Variants in TEX11 observed in about 807,000 individuals in gnomAD.
The protein encoded by TEX11 is testis expressed 11.
Under a neutral mutation model 84.4 loss-of-function variants are expected in TEX11, and 7 were observed. That is an observed-to-expected ratio of 0.08 (90% confidence interval 0.05 to 0.16). The LOEUF (loss-of-function observed/expected upper bound fraction) is 0.16, where lower values mean the gene tolerates loss of function less well. Among genes scored for constraint, TEX11 ranks in the 10% least tolerant of loss-of-function variants. TEX11 has a pLI of 1.00. For synonymous variants in TEX11, 264 were observed against 222.8 expected (o/e 1.18, Z -1.64); for missense variants, 551 against 660.5 (o/e 0.83, Z 1.82).
chrX:70,567,842 G>T (rs902716764), intron 25 of TEX11, among the ~76,000 whole-genome samples: 1 of 111,506 alleles, frequency 9.0e-6, no homozygotes, highest in Non-Finnish European at 1.9e-5. Context: ...GTCAATTTTG[G>T]AATAGGTGTG....
intron 16 of TEX11, among the ~76,000 whole-genome samples, chrX:70,652,315 C>T (rs2089819957): frequency 9.0e-6 from 1 of 111,280 alleles, no homozygotes; most frequent in Non-Finnish European, 1.9e-5. Flanking sequence ...GAAATATTTC[C>T]ATAAATAATT....
downstream of TEX11, among the ~76,000 whole-genome samples, chrX:70,526,183 G>A (rs1295334280): frequency 8.9e-6 from 1 of 111,793 alleles, no homozygotes; most frequent in Non-Finnish European, 1.9e-5. Flanking sequence ...GAATATCGGA[G>A]GTTAATCAGC....
At position 70,762,789 on chromosome X, in the gene TEX11, C is replaced by A. The variant is rs749927891; in HGVS notation, c.693-18570G>T. Among the ~76,000 whole-genome samples, 171 of 111,441 alleles carry A rather than the reference C, an allele frequency of 1.5e-3. 2 individuals are homozygous for A. Among genetic ancestry groups the A allele is most frequent in the Middle Eastern group, 4.6e-3 (1 of 218 alleles). On this transcript the variant is annotated intron_variant, in intron 9 of 29. Transcript: ENST00000374333. ...ATGGCTCATGCCTGTAATCCCAGCA[C>A]TTTGGGAGGCTGAGGGGGCAGATCA...
intron 4 of TEX11, among the ~76,000 whole-genome samples, 160 bp from the exon 5 acceptor site, chrX:70,861,096 C>G (rs1367461753): frequency 2.2e-5 from 2 of 91,752 alleles, no homozygotes; most frequent in African/African-American, 8.2e-5. Context: ...GAGTCTCGCT[C>G]TGTCGCCCAG....
rs773092907 is a variant in TEX11, at chrX:70,659,268, A to G, written c.1381-7716T>C. 1.6e-3 allele frequency among the ~76,000 whole-genome samples: 175 copies of G among 112,174 alleles called. 1 individual carries two copies. The highest frequency in any genetic ancestry group is 5.5e-3 in the African/African-American group (169 of 30,973). On this transcript the variant is annotated intron_variant, in intron 16 of 29. Transcript: ENST00000374333. ...TTCAAAAGACACTAAGAAAAAGACA[A>G]CCCACAGAATGGGAAAACATATTTG...
chrX:70,824,924 T>C (rs1348656442), intron 8 of TEX11, among the ~76,000 whole-genome samples: 3 of 111,505 alleles, frequency 2.7e-5, no homozygotes, highest in African/African-American at 9.8e-5. Context: ...AGTTTAAAAT[T>C]TGCCTGAATC....
chrX:70,579,564 G>A (rs1242081403), intron 25 of TEX11, among the ~76,000 whole-genome samples: 1 of 108,099 alleles, frequency 9.3e-6, no homozygotes, highest in Non-Finnish European at 1.9e-5. Flanking sequence ...ACAATCCACA[G>A]AATGGGAAAA....
intron 25 of TEX11, among the ~76,000 whole-genome samples, chrX:70,556,099 T>A (rs1264863687): frequency 8.9e-6 from 1 of 112,050 alleles, no homozygotes; most frequent in Non-Finnish European, 1.9e-5. Flanking sequence ...CTTTATCTAC[T>A]GTTTTCTGTC....
At chrX:70,770,599 T>C (rs1321928958) in intron 9 of TEX11, among the ~76,000 whole-genome samples, 2 of 111,114 alleles carry the variant, frequency 1.8e-5, no homozygotes, top group African/African-American at 6.5e-5. Flanking sequence ...AAAAGACAAA[T>C]ATTTAAGTTC....
chrX:70,816,774 C>A (rs1471027908), intron 8 of TEX11, among the ~76,000 whole-genome samples: 7 of 109,685 alleles, frequency 6.4e-5, no homozygotes, highest in African/African-American at 2.0e-4. Context: ...GATTCAGAGC[C>A]CAAATAGGGT....
At chrX:70,807,486 A>T (rs149522104) in intron 8 of TEX11, among the ~76,000 whole-genome samples, 2,801 of 111,753 alleles carry the variant, frequency 0.025, 43 homozygotes, top group Non-Finnish European at 0.04. Context: ...CATAATTTTC[A>T]TCTCTCAAAA....
intron 9 of TEX11, among the ~76,000 whole-genome samples, chrX:70,768,086 T>C (rs1189560302): frequency 1.8e-5 from 2 of 110,016 alleles, no homozygotes; most frequent in African/African-American, 6.6e-5. Context: ...ACAGGGAGAG[T>C]ATAGTCAAGA....
intron 24 of TEX11, among the ~76,000 whole-genome samples, chrX:70,597,179 T>C (rs950913323): frequency 8.9e-6 from 1 of 112,119 alleles, no homozygotes; most frequent in Non-Finnish European, 1.9e-5. Flanking sequence ...AGATATTCCA[T>C]GTTCATGAAT....
intron 7 of TEX11, among the ~76,000 whole-genome samples, chrX:70,837,826 G>A (rs1406465642): frequency 1.8e-5 from 2 of 111,770 alleles, no homozygotes; most frequent in Non-Finnish European, 3.8e-5. Flanking sequence ...AAACTGTTCT[G>A]TATCTTGATT....
chrX:70,742,619 C>T lies in TEX11; in HGVS notation c.747+1546G>A, dbSNP rs192769958. ...TGGAGTGTACCTGTAGTCCCAGCTA[C>T]TCAGTAGGTTAAGAAGGGAGGACTG... On this transcript the variant is annotated intron_variant, in intron 10 of 29. Transcript: ENST00000374333. Among the ~76,000 whole-genome samples the T allele has an allele frequency of 5.0e-3, 550 of 109,648 alleles. 4 individuals carry two copies. The highest frequency in any genetic ancestry group is 0.017 in the African/African-American group (522 of 30,277).
At chrX:70,541,583 C>A (rs2088045113) in intron 28 of TEX11, among the ~76,000 whole-genome samples, 1 of 111,249 alleles carries the variant, frequency 9.0e-6, no homozygotes, top group South Asian at 3.8e-4. Context: ...GGTGAAAACC[C>A]ATCTCTACCG....
intron 25 of TEX11, among the ~76,000 whole-genome samples, chrX:70,567,637 T>C (rs1370966268): frequency 9.0e-6 from 1 of 111,648 alleles, no homozygotes; most frequent in African/African-American, 3.3e-5. Context: ...AGAACATCTT[T>C]ATTTCTGCCT....
intron 24 of TEX11, among the ~76,000 whole-genome samples, chrX:70,604,596 C>G (rs1181444189): frequency 9.0e-6 from 1 of 110,853 alleles, no homozygotes; most frequent in Non-Finnish European, 1.9e-5. Context: ...ATCCAAAGAA[C>G]AATATGAAAT....
chrX:70,763,756 C>T (rs2090923547), intron 9 of TEX11, among the ~76,000 whole-genome samples: 1 of 110,602 alleles, frequency 9.0e-6, no homozygotes, highest in African/African-American at 3.3e-5. Flanking sequence ...CACTATATAA[C>T]GATAAAGGGA....
Sources: gnomAD v4.1 joint callset for allele counts (sites outside exome capture counted in the v4.1 genomes callset) on GRCh38, gnomAD v4.1.1 for gene constraint, MANE v1.5 for transcripts, NCBI Gene and HGNC (gene_info 2026-07-23, HGNC 2026-07-21) for gene names.